The following SLC13A3 variants were observed in gnomAD, a reference collection of about 807,000 sequenced individuals.
The protein encoded by SLC13A3 is Na(+)/dicarboxylate cotransporter 3.
A neutral mutation model predicts 59.0 loss-of-function variants in SLC13A3; 40 were observed. That is an observed-to-expected ratio of 0.68 (90% CI 0.53 to 0.88). The LOEUF is 0.88. SLC13A3 is among the 40% of genes least tolerant of loss of function. The pLI, the probability that SLC13A3 is intolerant of heterozygous loss-of-function variation, is 0.00. For missense variants in SLC13A3, 699 were observed against 783.2 expected (o/e 0.89, Z 1.28); for synonymous variants, 317 against 330.3 (o/e 0.96, Z 0.44).
intron 1 of SLC13A3, among the ~76,000 whole-genome samples, chr20:46,658,208 CA>C (rs544006699): frequency 1.3e-4 from 20 of 149,066 alleles, no homozygotes; most frequent in Non-Finnish European, 2.1e-4. Flanking sequence ...AAATAAATAT[CA>C]AAAAAAAACC....
At position 46,625,345 on chromosome 20, in the gene SLC13A3, G is replaced by A. The variant is rs142370198; in HGVS notation, c.112-11620C>T. Among the ~76,000 whole-genome samples, 11 of 152,272 alleles carry A rather than the reference G, an allele frequency of 7.2e-5. No homozygotes were observed. The East Asian group carries it at 9.6e-4, about 13-fold the overall frequency. ...CCATGTTTGTGTATTAAAGTAATTG[G>A]AGGATTTTAATTACATCTCAAGAGT... On this transcript the variant is annotated intron_variant, in intron 1 of 12. Coordinates refer to ENST00000279027, the MANE Select transcript of SLC13A3 (RefSeq NM_022829.6).
intron 1 of SLC13A3, among the ~76,000 whole-genome samples, chr20:46,639,291 G>A (rs766879684): frequency 9.9e-5 from 15 of 151,936 alleles, no homozygotes; most frequent in East Asian, 1.9e-4. Context: ...GTGAAACCCC[G>A]TTTCTACTAA....
At chr20:46,604,271 C>A (rs2122721430) in intron 3 of SLC13A3, among the ~76,000 whole-genome samples, 2 of 152,208 alleles carry the variant, frequency 1.3e-5, no homozygotes, top group Middle Eastern at 6.8e-3. Flanking sequence ...AGCCTCCAGT[C>A]CAGATCCTGT....
At chr20:46,568,224 T>C (rs183741716) in intron 10 of SLC13A3, among the ~76,000 whole-genome samples, 82 of 151,022 alleles carry the variant, frequency 5.4e-4, no homozygotes, top group African/African-American at 1.7e-3. Context: ...TGAAACCCCA[T>C]CTCTACTAAA....
rs145155700 is a variant in SLC13A3 at position 46,632,318 on chromosome 20, T to G, written c.112-18593A>C. On this transcript the variant is annotated intron_variant, in intron 1 of 12. Coordinates refer to ENST00000279027, the MANE Select transcript of SLC13A3 (RefSeq NM_022829.6). ...TGCCAGACCCTCTGGAGCTACATAGTGTTTGAAGCATCATGGCTCAGGCAC... is the reference window on the plus strand; with the variant it reads ...TGCCAGACCCTCTGGAGCTACATAGGGTTTGAAGCATCATGGCTCAGGCAC... Among the ~76,000 whole-genome samples the G allele has an allele frequency of 2.6e-3, 396 of 152,240 alleles. 2 individuals are homozygous for G. Among genetic ancestry groups the G allele is most frequent in the African/African-American group, 8.9e-3 (369 of 41,544 alleles).
intron 1 of SLC13A3, chr20:46,682,216 C>T (rs766431952): frequency 1.3e-5 from 2 of 152,198 alleles, no homozygotes; most frequent in Non-Finnish European, 2.9e-5. Context: ...GGCAAACTAT[C>T]GCCCACGGGC....
chr20:46,675,841 G>C (rs2063121632), intron 1 of SLC13A3: 1 of 152,362 alleles, frequency 6.6e-6, no homozygotes, highest in African/African-American at 2.4e-5. Flanking sequence ...AACTGCAGGG[G>C]TTCAGGCAAA....
intron 1 of SLC13A3, among the ~76,000 whole-genome samples, chr20:46,676,410 TC>T (rs2063125834): frequency 8.3e-6 from 1 of 119,968 alleles, no homozygotes; most frequent in Non-Finnish European, 1.7e-5. Flanking sequence ...CTCTCTCAAC[TC>T]TTTTTTTTTT....
chr20:46,583,613 G>C lies in SLC13A3; in HGVS notation c.1178C>G (p.Pro393Arg), dbSNP rs1332182001. Residue 393 changes from proline to arginine, a missense_variant, in exon 9 of 13, where the codon CCG (proline) becomes CGG (arginine). Transcript: ENST00000279027. ...VAIVTILFFF[P>R]SQRPSLKWWF... ...CCACTTGAGAGAGGGCCTTTGGGACGGGAAGAAGAACAAGATGGTGACAAT... is the reference window on the plus strand; with the variant it reads ...CCACTTGAGAGAGGGCCTTTGGGACCGGAAGAAGAACAAGATGGTGACAAT... 6.2e-7 allele frequency: 1 copy of C among 1,613,488 alleles called. No homozygotes were observed. The highest frequency in any genetic ancestry group is 1.3e-5 in the African/African-American group (1 of 74,748).
At chr20:46,608,514 C>G (rs2062458829) in intron 3 of SLC13A3, among the ~76,000 whole-genome samples, 1 of 152,232 alleles carries the variant, frequency 6.6e-6, no homozygotes, top group South Asian at 2.1e-4. Flanking sequence ...ATAGAGCTGA[C>G]TCTGCCACTT....
chr20:46,682,666 ACT>A (rs1388049807), intron 1 of SLC13A3, among the ~76,000 whole-genome samples: 1 of 151,872 alleles, frequency 6.6e-6, no homozygotes, highest in African/African-American at 2.4e-5. Context: ...AAAGAACGTA[ACT>A]CTATAAAGTC....
chr20:46,589,498 G>T (rs1251927534), intron 6 of SLC13A3, among the ~76,000 whole-genome samples: 1 of 152,176 alleles, frequency 6.6e-6, no homozygotes, highest in Non-Finnish European at 1.5e-5. Context: ...CCATGAGTGG[G>T]TCAAACAGGC....
rs149122884 is a variant in SLC13A3 at position 46,657,070 on chromosome 20, G to C, written c.-31+12973C>G. On this transcript the variant is annotated intron_variant, in intron 1 of 12. Transcript: ENST00000290317. The stretch of plus-strand genomic sequence containing the variant: ...TCTTAATATTAAGCATCAAAAGTCA[G>C]TTTGACCAGCCTGGTCAACATGGCA... 1.4e-4 allele frequency among the ~76,000 whole-genome samples: 22 copies of C among 151,980 alleles called. No homozygotes were observed. The East Asian group carries it at 4.3e-3, about 29-fold the overall frequency.
At position 46,596,279 on chromosome 20, in the gene SLC13A3, A is replaced by G; in HGVS notation, c.672T>C (p.Asp224=). The change falls in exon 5 of 13, where the codon GAT becomes GAC. Residue 224 remains aspartate, a synonymous_variant. Coordinates refer to ENST00000279027, the MANE Select transcript of SLC13A3 (RefSeq NM_022829.6). ...CCTTCCAGATGTTCCGACGATATTCATCCTCCTTCCTGGAGTCAGCCGGCA... is the reference window on the plus strand; with the variant it reads ...CCTTCCAGATGTTCCGACGATATTCGTCCTCCTTCCTGGAGTCAGCCGGCA... ...LDLPADSRKE[D]EYRRNIWKGF... 1 of 1,614,142 alleles carries G rather than the reference A, an allele frequency of 6.2e-7. No individual in the cohort carries two copies. Among genetic ancestry groups the G allele is most frequent in the Non-Finnish European group, 8.5e-7 (1 of 1,180,032 alleles).
In SLC13A3 at chr20:46,602,777, A is replaced by G. The variant is rs138650395; in HGVS notation, c.542-2740T>C. 8.3e-4 allele frequency among the ~76,000 whole-genome samples: 127 copies of G among 152,350 alleles called. 1 individual carries two copies. The East Asian group carries it at 0.018, about 22-fold the overall frequency. ...ATTATCCCACCCAAATGTCATTGGT[A>G]ATGAAGTTGAGAAACCCTGGTTAGG... is the stretch of plus-strand genomic sequence containing the variant. On this transcript the variant is annotated intron_variant, in intron 3 of 12. Coordinates refer to ENST00000279027, the MANE Select transcript of SLC13A3 (RefSeq NM_022829.6).
intron 2 of SLC13A3, among the ~76,000 whole-genome samples, 160 bp downstream of exon 2, chr20:46,613,300 G>GAAAT (rs11472968): frequency 0.43 from 62,979 of 145,884 alleles, 14,132 homozygotes; most frequent in South Asian, 0.46. Flanking sequence ...AAATAGTAGA[G>GAAAT]AAATAAATAA....
intron 4 of SLC13A3, among the ~76,000 whole-genome samples, chr20:46,597,145 G>A (rs767920808): frequency 6.6e-6 from 1 of 152,162 alleles, no homozygotes; most frequent in Non-Finnish European, 1.5e-5. Context: ...TATGCAAGTT[G>A]TTTTGATACC....
intron 12 of SLC13A3, 84 bp downstream of exon 12, chr20:46,563,330 C>T (rs1488792735): frequency 1.3e-6 from 2 of 1,500,572 alleles, no homozygotes; most frequent in Admixed American, 2.0e-5. Flanking sequence ...GGTCAGCGTG[C>T]AGGAGTCCTG....
chr20:46,565,290 T>C (rs950801315), intron 11 of SLC13A3, among the ~76,000 whole-genome samples: 12 of 152,254 alleles, frequency 7.9e-5, no homozygotes, highest in African/African-American at 2.9e-4. Flanking sequence ...AGGGTTTTGC[T>C]AGCTATAAAT....
Sources: allele counts gnomAD v4.1 joint callset (sites outside exome capture counted in the v4.1 genomes callset), GRCh38; gene constraint gnomAD v4.1.1; transcripts MANE v1.5; gene names NCBI Gene and HGNC (gene_info 2026-07-23, HGNC 2026-07-21).